ABI2: variants seen among roughly 807,000 people sequenced by gnomAD.
ABI2 encodes abelson interactor 2.
ABI2 carries 25 observed loss-of-function variants against 59.2 expected under a neutral mutation model. That is an observed-to-expected ratio of 0.42 (90% CI 0.31 to 0.59). The LOEUF is 0.59. ABI2 is among the 20% of genes least tolerant of loss of function. ABI2 has a pLI of 0.14. For synonymous variants in ABI2, 213 were observed against 235.5 expected, an observed-to-expected ratio of 0.90 and a Z score of 0.87; for missense variants, 545 against 681.8, an observed-to-expected ratio of 0.80 and a Z score of 2.23.
chr2:203,342,894 T>C (rs1000597561), intron 1 of ABI2, among the ~76,000 whole-genome samples: 1 of 152,256 alleles, frequency 6.6e-6, no homozygotes, highest in Admixed American at 6.5e-5. Flanking sequence ...TTTATGGACA[T>C]GAAATTTATA....
chr2:203,364,122 CAG>C (rs944939773), intron 1 of ABI2, among the ~76,000 whole-genome samples: 1 of 147,146 alleles, frequency 6.8e-6, no homozygotes, highest in East Asian at 2.0e-4. Context: ...TATTTTGAGA[CAG>C]AGTTTCTTGT....
rs1348821842 is a variant in ABI2 at position 203,429,172 on chromosome 2, T to G, written c.*1820T>G. The G allele has an allele frequency of 4.6e-5, 7 of 152,226 alleles. No individual in the cohort carries two copies. The East Asian group carries it at 1.3e-3, about 29-fold the overall frequency. 9.4% of individuals were successfully genotyped at this position (152,226 alleles called of 1,614,324 possible). A position where few individuals can be genotyped will look rare whatever the true frequency, so the allele number is the denominator to read the frequency against. On this transcript the variant is annotated 3_prime_UTR_variant, in exon 12 of 12. Coordinates refer to ENST00000261018, the MANE Select transcript of ABI2 (RefSeq NM_001375670.1). ...TTCCCAGCACTTTGTATTTATTAGC[T>G]TTCATTAACTTGCCTCCAGTATACA...
intron 1 of ABI2, among the ~76,000 whole-genome samples, chr2:203,349,980 T>C (rs1467325557): frequency 6.6e-6 from 1 of 152,198 alleles, no homozygotes; most frequent in Non-Finnish European, 1.5e-5. Context: ...CAGCCTGTTT[T>C]CCCAGGTAGT....
At chr2:203,372,600 C>T (rs1233382541) in intron 2 of ABI2, among the ~76,000 whole-genome samples, 18 of 150,110 alleles carry the variant, frequency 1.2e-4, no homozygotes, top group East Asian at 2.0e-4. Flanking sequence ...GGTGGCTGGG[C>T]GGGGGACTGA....
intron 10 of ABI2, among the ~76,000 whole-genome samples, chr2:203,415,048 A>C (rs1235623687): frequency 6.6e-6 from 1 of 152,216 alleles, no homozygotes; most frequent in Admixed American, 6.5e-5. Context: ...CTTTGGATCT[A>C]TGGTTCTGTG....
intron 1 of ABI2, among the ~76,000 whole-genome samples, chr2:203,341,646 G>T (rs907702664): frequency 3.3e-5 from 5 of 151,974 alleles, no homozygotes; most frequent in African/African-American, 1.2e-4. Flanking sequence ...GGTGGCAGAG[G>T]TTACAGTGAG....
chr2:203,373,876 A>G (rs2095492514), intron 2 of ABI2, among the ~76,000 whole-genome samples: 1 of 152,200 alleles, frequency 6.6e-6, no homozygotes, highest in African/African-American at 2.4e-5. Flanking sequence ...TAAAAACTTT[A>G]GGCTGGGTGT....
intron 1 of ABI2, among the ~76,000 whole-genome samples, chr2:203,330,089 G>T (rs2072035089): frequency 6.6e-6 from 1 of 152,094 alleles, no homozygotes; most frequent in Non-Finnish European, 1.5e-5. Flanking sequence ...TAAAAAACAG[G>T]TGTTACAATT....
intron 1 of ABI2, chr2:203,351,439 A>G (rs1051077033): frequency 1.4e-4 from 51 of 366,520 alleles, no homozygotes; most frequent in African/African-American, 1.1e-3. Context: ...CATCTTAATG[A>G]TAGTAACTTT....
chr2:203,419,491 G>T (rs1449298315), intron 11 of ABI2, among the ~76,000 whole-genome samples: 2 of 150,434 alleles, frequency 1.3e-5, no homozygotes. Context: ...GCCTCAACCT[G>T]CTGAGTAGCT....
chr2:203,402,077 C>T (rs893588780), intron 8 of ABI2, among the ~76,000 whole-genome samples: 1 of 152,166 alleles, frequency 6.6e-6, no homozygotes, highest in African/African-American at 2.4e-5. Context: ...CTCTGTCACC[C>T]AGGCTGGAGT....
chr2:203,387,970 A>G (rs956495586), intron 4 of ABI2, among the ~76,000 whole-genome samples: 3 of 152,176 alleles, frequency 2.0e-5, no homozygotes, highest in African/African-American at 7.2e-5. Context: ...AGGATCAATC[A>G]TGATGGCTGT....
intron 1 of ABI2, among the ~76,000 whole-genome samples, chr2:203,359,635 C>T (rs542145822): frequency 3.9e-5 from 6 of 152,198 alleles, no homozygotes; most frequent in South Asian, 2.1e-4. Flanking sequence ...AAGATCAAGA[C>T]GTCAGCAGAT....
chr2:203,375,103 G>T (rs1383377004), intron 2 of ABI2, among the ~76,000 whole-genome samples: 3 of 152,188 alleles, frequency 2.0e-5, no homozygotes, highest in African/African-American at 7.2e-5. Flanking sequence ...CTGTGTGGCT[G>T]AAGTGTCATG....
chr2:203,382,288 CTTGG>C, intron 4 of ABI2, 82 bp downstream of exon 4: 2 of 1,240,662 alleles, frequency 1.6e-6, no homozygotes, highest in Non-Finnish European at 2.2e-6. Context: ...ATTGTTAACT[CTTGG>C]CCTTTTAAAA....
At chr2:203,374,768 T>C in intron 2 of ABI2, 2 of 434,208 alleles carry the variant, frequency 4.6e-6, no homozygotes, top group Non-Finnish European at 9.5e-6. Context: ...TGAGACATAT[T>C]TAAAAACACC....
rs1264265922 is a variant in ABI2 at position 203,429,385 on chromosome 2, TC to T, written c.*2036del. ...AGAAAAACTGTTTTAAATTAGATGT[TC>T]CCATTATTTATTTAAACAGCTTTTT... On this transcript the variant is annotated 3_prime_UTR_variant, in exon 12 of 12. Transcript: ENST00000261018. 6.6e-6 allele frequency: 1 copy of T among 152,246 alleles called. No homozygotes were observed. Among genetic ancestry groups the T allele is most frequent in the African/African-American group, 2.4e-5 (1 of 41,468 alleles). The allele number at this position is 152,246 out of a possible 1,614,324, so 9.4% of individuals were successfully genotyped here. A position where few individuals can be genotyped will look rare whatever the true frequency, so the allele number is the denominator to read the frequency against.
chr2:203,423,495 G>A (rs373780148), intron 11 of ABI2, among the ~76,000 whole-genome samples: 1 of 152,090 alleles, frequency 6.6e-6, no homozygotes, highest in African/African-American at 2.4e-5. Context: ...GTGCAATCTC[G>A]GCTCACTGCA....
intron 2 of ABI2, among the ~76,000 whole-genome samples, chr2:203,373,899 C>T (rs1486298761): frequency 1.3e-5 from 2 of 152,182 alleles, no homozygotes; most frequent in African/African-American, 4.8e-5. Flanking sequence ...TGGCTCATGC[C>T]TGTAGTCCCA....
Sources: allele counts gnomAD v4.1 joint callset (sites outside exome capture counted in the v4.1 genomes callset), GRCh38; gene constraint gnomAD v4.1.1; transcripts MANE v1.5; gene names NCBI Gene and HGNC (gene_info 2026-07-23, HGNC 2026-07-21).